Variants in ADAMTS18 observed in about 807,000 individuals in gnomAD.
ADAMTS18 encodes the protein A disintegrin and metalloproteinase with thrombospondin motifs 18.
A neutral mutation model predicts 165.9 loss-of-function variants in ADAMTS18; 157 were observed. The ratio of observed to expected loss-of-function variants is 0.95; its 90% CI spans 0.83 to 1.08. ADAMTS18 has a LOEUF of 1.08. ADAMTS18 is among the 50% of genes least tolerant of loss of function. ADAMTS18 has a pLI of 0.00. For synonymous variants in ADAMTS18, 782 were observed against 578.2 expected (o/e 1.35, Z -5.06); for missense variants, 2,040 against 1,534.0 (o/e 1.33, Z -5.51).
chr16:77,289,378 G>A lies in ADAMTS18; in HGVS notation c.3436C>T (p.Arg1146Trp), dbSNP rs546878263. Residue 1146 changes from arginine (R) to tryptophan (W), a missense_variant, in exon 22 of 23, where the codon CGG (arginine) becomes TGG (tryptophan). Physicochemically the swap from Arg to Trp is moderately radical, Grantham distance 101 (BLOSUM62 -3). Transcript: ENST00000282849. ...TVTCGGGVQT[R>W]SVHCVQQGRP... ...CCTTGCTGAACACAGTGGACTGACCGGGTCTGGACCCCTCCCCCACAGGTG... is the reference window on the plus strand; with the variant it reads ...CCTTGCTGAACACAGTGGACTGACCAGGTCTGGACCCCTCCCCCACAGGTG... 7.4e-6 allele frequency: 12 copies of A among 1,613,980 alleles called. No homozygotes were observed. The highest frequency in any genetic ancestry group is 3.3e-5 in the Admixed American group (2 of 59,990).
chr16:77,317,532 C>T (rs1351805053), intron 16 of ADAMTS18, among the ~76,000 whole-genome samples: 1 of 152,204 alleles, frequency 6.6e-6, no homozygotes, highest in Non-Finnish European at 1.5e-5. Context: ...TGGGGTTCCG[C>T]CACGTTGGCC....
intron 11 of ADAMTS18, among the ~76,000 whole-genome samples, chr16:77,337,368 G>C (rs2056326379): frequency 6.6e-6 from 1 of 152,172 alleles, no homozygotes; most frequent in Admixed American, 6.5e-5. Flanking sequence ...GCTTCTATGT[G>C]CCAAAAATGA....
At chr16:77,316,673 T>TTTTA (rs1480765192) in intron 16 of ADAMTS18, among the ~76,000 whole-genome samples, 1 of 151,980 alleles carries the variant, frequency 6.6e-6, no homozygotes, top group African/African-American at 2.4e-5. Context: ...CCACATCAGG[T>TTTTA]TTTATTTATT....
intron 3 of ADAMTS18, among the ~76,000 whole-genome samples, chr16:77,388,298 C>T (rs577752362): frequency 7.9e-5 from 12 of 152,256 alleles, no homozygotes; most frequent in African/African-American, 2.6e-4. Flanking sequence ...TGGGGTTTCA[C>T]CATGTTGGCC....
At chr16:77,304,628 C>G (rs1033544018) in intron 16 of ADAMTS18, among the ~76,000 whole-genome samples, 1 of 152,116 alleles carries the variant, frequency 6.6e-6, no homozygotes, top group East Asian at 1.9e-4. Flanking sequence ...CAGCAATGAT[C>G]AGAATATTAA....
At chr16:77,358,348 G>A (rs191416742) in intron 8 of ADAMTS18, among the ~76,000 whole-genome samples, 143 of 152,232 alleles carry the variant, frequency 9.4e-4, no homozygotes, top group Non-Finnish European at 3.8e-4. Flanking sequence ...AACCGAGGTC[G>A]GCAGATCACC....
At chr16:77,305,616 A>G (rs2055667458) in intron 16 of ADAMTS18, among the ~76,000 whole-genome samples, 1 of 152,180 alleles carries the variant, frequency 6.6e-6, no homozygotes, top group African/African-American at 2.4e-5. Flanking sequence ...TTAAGACACA[A>G]TTAAAAATTT....
At chr16:77,420,213 A>G (rs964399141) in intron 3 of ADAMTS18, among the ~76,000 whole-genome samples, 3 of 151,742 alleles carry the variant, frequency 2.0e-5, no homozygotes, top group Non-Finnish European at 2.9e-5. Flanking sequence ...AAGTCTAATT[A>G]TTTCAAAATA....
intron 12 of ADAMTS18, among the ~76,000 whole-genome samples, chr16:77,328,444 T>C (rs2056132523): frequency 6.6e-6 from 1 of 152,142 alleles, no homozygotes; most frequent in Non-Finnish European, 1.5e-5. Flanking sequence ...GCGTAATTAA[T>C]TTATCCCATC....
intron 16 of ADAMTS18, among the ~76,000 whole-genome samples, chr16:77,310,729 G>A (rs767284792): frequency 4.6e-5 from 7 of 152,022 alleles, no homozygotes; most frequent in African/African-American, 7.3e-5. Context: ...CTGGGTTCAA[G>A]GGATCCTCCC....
intron 10 of ADAMTS18, among the ~76,000 whole-genome samples, chr16:77,349,432 G>A (rs2056522901): frequency 1.4e-5 from 2 of 144,266 alleles, no homozygotes; most frequent in East Asian, 2.1e-4. Context: ...ATATCTGATT[G>A]TTCCCCTGCC....
At chr16:77,310,366 G>C (rs1321658788) in intron 16 of ADAMTS18, among the ~76,000 whole-genome samples, 1 of 152,168 alleles carries the variant, frequency 6.6e-6, no homozygotes, top group Non-Finnish European at 1.5e-5. Context: ...CAGGACAGTA[G>C]TATAGACACA....
At chr16:77,407,400 G>C (rs557304470) in intron 3 of ADAMTS18, among the ~76,000 whole-genome samples, 58 of 152,160 alleles carry the variant, frequency 3.8e-4, no homozygotes, top group Non-Finnish European at 6.9e-4. Context: ...ATATTAGCCT[G>C]TAAATTCAAT....
intron 20 of ADAMTS18, among the ~76,000 whole-genome samples, chr16:77,291,886 C>G (rs1397295498): frequency 6.6e-6 from 1 of 152,098 alleles, no homozygotes; most frequent in Non-Finnish European, 1.5e-5. Context: ...GGGTAAGGGC[C>G]AGAGAAAAGG....
chr16:77,411,074 G>A (rs1269571353), intron 3 of ADAMTS18, among the ~76,000 whole-genome samples: 1 of 152,140 alleles, frequency 6.6e-6, no homozygotes, highest in Non-Finnish European at 1.5e-5. Flanking sequence ...ACCTGTTTTA[G>A]GTGATGAGTG....
rs574333658 is a variant in ADAMTS18, at chr16:77,341,650, A to G, written c.1710+54T>C. 5.6e-6 allele frequency: 8 copies of G among 1,423,278 alleles called. 1 individual carries two copies. The South Asian group carries it at 8.3e-5, about 15-fold the overall frequency. 88.2% of individuals were successfully genotyped at this position (1,423,278 alleles called of 1,614,324 possible). A position where few individuals can be genotyped will look rare whatever the true frequency, so the allele number is the denominator to read the frequency against. ...TAAGGTCACAATACAAACAGTTTGA[A>G]TTCTATGCCTTATCAAATTTCTGGA... On this transcript the variant is annotated intron_variant, in intron 11 of 22. Transcript: ENST00000282849.
chr16:77,426,714 A>C (rs2057677351), intron 3 of ADAMTS18, among the ~76,000 whole-genome samples: 1 of 152,198 alleles, frequency 6.6e-6, no homozygotes, highest in Non-Finnish European at 1.5e-5. Context: ...CTAGAGGCTA[A>C]TAGTTGTCCA....
chr16:77,411,677 A>ATTTTT (rs34453966), intron 3 of ADAMTS18, among the ~76,000 whole-genome samples: 2,141 of 73,894 alleles, frequency 0.029, 327 homozygotes, highest in African/African-American at 0.061. Flanking sequence ...AGTATCCAGA[A>ATTTTT]TTTTTTTTTT....
At chr16:77,284,147 G>T in intron 22 of ADAMTS18, 76 bp from the exon 23 acceptor site, 2 of 923,536 alleles carry the variant, frequency 2.2e-6, no homozygotes, top group Non-Finnish European at 3.4e-6. Context: ...TTGAGATGGA[G>T]TCTCACTCTG....
Sources: gnomAD v4.1 joint callset for allele counts (sites outside exome capture counted in the v4.1 genomes callset) on GRCh38, gnomAD v4.1.1 for gene constraint, MANE v1.5 for transcripts, NCBI Gene and HGNC (gene_info 2026-07-23, HGNC 2026-07-21) for gene names.